RP1: variants seen among roughly 807,000 people sequenced by gnomAD.
The protein encoded by RP1 is oxygen-regulated protein 1.
A neutral mutation model predicts 14.8 loss-of-function variants in RP1; 16 were observed. The ratio of observed to expected loss-of-function variants is 1.08; its 90% CI spans 0.73 to 1.65. The LOEUF is 1.65. Among genes scored for constraint, RP1 ranks in the 40% most tolerant of loss-of-function variants. The pLI is 0.00. For missense variants in RP1, 2,631 were observed against 2,535.0 expected, an observed-to-expected ratio of 1.04 and a Z score of -0.81; for synonymous variants, 876 against 883.6, an observed-to-expected ratio of 0.99 and a Z score of 0.15.
intron 25 of RP1, among the ~76,000 whole-genome samples, chr8:54,842,763 TACAA>T (rs1455643705): frequency 6.6e-6 from 1 of 152,194 alleles, no homozygotes; most frequent in Non-Finnish European, 1.5e-5. Context: ...CACAATGTCC[TACAA>T]GGACCTACTT....
At chr8:54,587,236 G>C (rs1804952153) in intron 1 of RP1, among the ~76,000 whole-genome samples, 1 of 152,172 alleles carries the variant, frequency 6.6e-6, no homozygotes, top group African/African-American at 2.4e-5. Flanking sequence ...GACCGGCCTG[G>C]CCAACATGGC....
intron 24 of RP1, among the ~76,000 whole-genome samples, chr8:54,819,366 A>G (rs551050695): frequency 6.6e-6 from 1 of 152,102 alleles, no homozygotes; most frequent in East Asian, 1.9e-4. Context: ...AATTCCTTCT[A>G]TCAGTTATCT....
intron 9 of RP1, among the ~76,000 whole-genome samples, chr8:54,679,037 A>G (rs1012435087): frequency 6.6e-6 from 1 of 151,408 alleles, no homozygotes. Flanking sequence ...CTCTTTTCCT[A>G]TGGAACCCAT....
intron 1 of RP1, among the ~76,000 whole-genome samples, chr8:54,569,123 G>A (rs1422000350): frequency 3.3e-5 from 5 of 152,188 alleles, no homozygotes; most frequent in African/African-American, 7.2e-5. Context: ...GTTCCCAGGA[G>A]AGCAAGTCCT....
rs918480973 is a variant in RP1, at chr8:54,734,570, T to G, written c.2547T>G (p.Ser849Arg). 5 of 1,535,294 alleles carry G rather than the reference T, an allele frequency of 3.3e-6. No individual in the cohort carries two copies. In the East Asian group the frequency reaches 1.2e-4, roughly 38 times the overall value. ...AAGAAATCAGACATTTCCAAAGTAGTGAGACTCTTCTGTCAGAAGATGAAT... is the reference window on the plus strand; with the variant it reads ...AAGAAATCAGACATTTCCAAAGTAGGGAGACTCTTCTGTCAGAAGATGAAT... The change falls in exon 18 of 23, where the codon AGT becomes AGG. Residue 849 changes from serine (S) to arginine (R), a missense_variant. Physicochemically the swap from Ser to Arg is moderately radical, Grantham distance 110. Coordinates refer to the RP1 transcript ENST00000636932.
chr8:54,607,062 T>G (rs907373418), intron 1 of RP1, among the ~76,000 whole-genome samples: 4 of 152,238 alleles, frequency 2.6e-5, no homozygotes, highest in African/African-American at 9.6e-5. Context: ...TCATTCTCCA[T>G]CCAGCTTTGT....
intron 6 of RP1, chr8:54,656,361 C>T (rs1806755001): frequency 3.8e-6 from 3 of 786,180 alleles, no homozygotes; most frequent in Non-Finnish European, 5.7e-6. Flanking sequence ...GTGGCAGCTG[C>T]ATCTAAATGC....
chr8:54,678,492 C>T (rs765675422), exon 9 of RP1: 83 of 1,533,872 alleles, frequency 5.4e-5, no homozygotes, highest in Non-Finnish European at 7.1e-5. Flanking sequence ...ATGTTGTTAT[C>T]AAGGATCCCA....
At chr8:54,777,728 GATAAA>G (rs2129378270) in intron 23 of RP1, among the ~76,000 whole-genome samples, 1 of 152,200 alleles carries the variant, frequency 6.6e-6, no homozygotes, top group East Asian at 1.9e-4. Context: ...ATTATTTGGA[GATAAA>G]ATTAATAAAA....
intron 23 of RP1, among the ~76,000 whole-genome samples, chr8:54,783,294 AT>A (rs1225446079): frequency 6.6e-6 from 1 of 152,074 alleles, no homozygotes; most frequent in African/African-American, 2.4e-5. Context: ...CTCCAACTCC[AT>A]TGTTTTGCCC....
At chr8:54,821,433 A>G (rs899764070) in intron 24 of RP1, among the ~76,000 whole-genome samples, 3 of 152,202 alleles carry the variant, frequency 2.0e-5, no homozygotes, top group African/African-American at 7.2e-5. Context: ...ACTGATTTCA[A>G]TAGGCTTATG....
intron 27 of RP1, among the ~76,000 whole-genome samples, chr8:54,863,205 T>C (rs1812389174): frequency 6.6e-6 from 1 of 151,898 alleles, no homozygotes; most frequent in South Asian, 2.1e-4. Context: ...TTTGCAATAT[T>C]GCAGTGAAAC....
intron 22 of RP1, among the ~76,000 whole-genome samples, chr8:54,764,924 A>G (rs2129371897): frequency 6.6e-6 from 1 of 152,264 alleles, no homozygotes; most frequent in African/African-American, 2.4e-5. Context: ...AAAAAAAAAA[A>G]AGACGTGTCC....
At chr8:54,659,698 A>G (rs185114062) in intron 6 of RP1, among the ~76,000 whole-genome samples, 5 of 152,310 alleles carry the variant, frequency 3.3e-5, no homozygotes, top group Admixed American at 6.5e-5. Context: ...TGTTTTGACT[A>G]TTCAGGGATC....
intron 3 of RP1, among the ~76,000 whole-genome samples, chr8:54,636,663 G>T (rs113488965): frequency 6.6e-6 from 1 of 152,062 alleles, no homozygotes; most frequent in African/African-American, 2.4e-5. Context: ...TCTTGAACCC[G>T]GTAGGTGGAG....
At chr8:54,638,469 A>T (rs889755194) in intron 3 of RP1, among the ~76,000 whole-genome samples, 5 of 151,742 alleles carry the variant, frequency 3.3e-5, no homozygotes, top group Non-Finnish European at 7.4e-5. Context: ...CGTTATTCTC[A>T]TGTTTAATGG....
At position 54,622,190 on chromosome 8, in the gene RP1, G is replaced by A. The variant is rs1805901535; in HGVS notation, c.689G>A (p.Gly230Glu). The change falls in exon 3 of 4, where the codon GGA (glycine) becomes GAA (glutamate). Residue 230 changes from glycine to glutamate, a missense_variant. Coordinates refer to ENST00000220676, the MANE Select transcript of RP1 (RefSeq NM_006269.2). ...GCAGGAAGGGAGCCATTTAAACCAG[G>A]AAATTATGACATCCAAAAATACTTG... ...VAAGREPFKPGNYDIQKYLLP... is the reference protein window; with the variant it reads ...VAAGREPFKPENYDIQKYLLP... 1 of 1,614,164 alleles carries A rather than the reference G, an allele frequency of 6.2e-7. No homozygotes were observed. The highest frequency in any genetic ancestry group is 8.5e-7 in the Non-Finnish European group (1 of 1,180,046).
Position 54,628,025 on chromosome 8 carries a change from A to C in RP1, c.4143A>C (p.Lys1381Asn). ...DLNILTDPEYKNGFNTLVSHQ... is the reference protein window; with the variant it reads ...DLNILTDPEYNNGFNTLVSHQ... ...ATATTTTGACAGACCCTGAATATAAAAATGGATTTAATACATTGGTGTCAC... is the reference window on the plus strand; with the variant it reads ...ATATTTTGACAGACCCTGAATATAACAATGGATTTAATACATTGGTGTCAC... The change falls in exon 4 of 4, where the codon AAA becomes AAC. Residue 1381 changes from lysine (K) to asparagine (N), a missense_variant. By Grantham distance (94) the Lys-to-Asn change is moderately conservative (BLOSUM62 0). Coordinates refer to ENST00000220676, the MANE Select transcript of RP1 (RefSeq NM_006269.2). 6.2e-7 allele frequency: 1 copy of C among 1,614,010 alleles called. No individual in the cohort carries two copies. Among genetic ancestry groups the C allele is most frequent in the Non-Finnish European group, 8.5e-7 (1 of 1,179,922 alleles).
At chr8:54,705,542 C>G (rs140536640) in intron 14 of RP1, among the ~76,000 whole-genome samples, 1 of 152,288 alleles carries the variant, frequency 6.6e-6, no homozygotes, top group East Asian at 1.9e-4. Context: ...GACTCAAAGC[C>G]CCCTACCCTA....
Sources: gnomAD v4.1 joint callset for allele counts (sites outside exome capture counted in the v4.1 genomes callset) on GRCh38, gnomAD v4.1.1 for gene constraint, MANE v1.5 for transcripts, NCBI Gene and HGNC (gene_info 2026-07-23, HGNC 2026-07-21) for gene names.